TENT5B: variants seen among roughly 807,000 people sequenced by gnomAD.
The protein encoded by TENT5B is family with sequence similarity 46 member B.
In TENT5B, 12 loss-of-function variants were observed where a neutral mutation model predicts 21.7. The ratio of observed to expected loss-of-function variants is 0.55; its 90% CI spans 0.36 to 0.90. The LOEUF is 0.90. Ranked by LOEUF, TENT5B falls within the 40% of genes least tolerant of loss-of-function variation. The probability of loss-of-function intolerance (pLI) is 0.01; values close to 1 mark genes in which losing one functional copy is unlikely to be tolerated. For missense variants in TENT5B, 540 were observed against 601.5 expected, an observed-to-expected ratio of 0.90 and a Z score of 1.07; for synonymous variants, 262 against 266.6, an observed-to-expected ratio of 0.98 and a Z score of 0.17.
In TENT5B at chr1:27,006,236, G is replaced by A; in HGVS notation, c.986C>T (p.Ala329Val). 6.2e-7 allele frequency: 1 copy of A among 1,611,816 alleles called. No homozygotes were observed. Among genetic ancestry groups the A allele is most frequent in the Non-Finnish European group, 8.5e-7 (1 of 1,179,448 alleles). The change falls in exon 2 of 2, where the codon GCC becomes GTC. Residue 329 changes from alanine to valine, a missense_variant. Ala to Val is a moderately conservative substitution (Grantham distance 64). Coordinates refer to ENST00000289166, the MANE Select transcript of TENT5B (RefSeq NM_052943.4). The surrounding 1 kb of genome is among the most constrained non-coding windows in gnomAD (Gnocchi z 9.4). ...QRRTLERYLE[A>V]HFGGADAARR... is the part of the protein sequence containing the mutation. ...GGCTGCATCTGCCCCACCGAAGTGG[G>A]CCTCCAGGTAGCGCTCTAGGGTGCG...
intron 1 of TENT5B, among the ~76,000 whole-genome samples, chr1:27,008,977 C>CTTTTTTTTTTCTTTTTTTTTTTTTTT (rs2082612808): frequency 3.2e-5 from 1 of 30,978 alleles, no homozygotes; most frequent in African/African-American, 1.4e-4. Flanking sequence ...CTCCATCCTT[C>CTTTTTTTTTTCTTTTTTTTTTTTTTT]TTTTTTTTTT....
intron 1 of TENT5B, among the ~76,000 whole-genome samples, chr1:27,007,215 A>C (rs2082604403): frequency 6.6e-6 from 1 of 152,066 alleles, no homozygotes; most frequent in Non-Finnish European, 1.5e-5. Flanking sequence ...ATAATAGCAC[A>C]CATCTGCATA....
rs765170340 is a variant in TENT5B, at chr1:27,006,727, C to A, written c.495G>T (p.Thr165=). 16 of 1,613,888 alleles carry A rather than the reference C, an allele frequency of 9.9e-6. No homozygotes were observed. Among genetic ancestry groups the A allele is most frequent in the Non-Finnish European group, 1.4e-5 (16 of 1,180,012 alleles). ...CGTATGCCTCCTTGAGTGTCAGTGG[C>A]GTGATCTTGGCCCGGCTCACACCGG... ...LPAGVSRAKI[T]PLTLKEAYVQ... Residue 165 remains threonine, a synonymous_variant, in exon 2 of 2, where the codon ACG becomes ACT. Coordinates refer to ENST00000289166, the MANE Select transcript of TENT5B (RefSeq NM_052943.4). This position sits in a 1 kb window ranked among gnomAD's most constrained non-coding sequence, Gnocchi z 9.4.
chr1:27,008,172 A>G (rs2124205417), intron 1 of TENT5B, among the ~76,000 whole-genome samples: 1 of 152,226 alleles, frequency 6.6e-6, no homozygotes, highest in East Asian at 1.9e-4. Context: ...CCAGGTAGGG[A>G]GAAGAGTGAA....
intron 1 of TENT5B, among the ~76,000 whole-genome samples, chr1:27,008,977 C>CT (rs58360969): frequency 0.017 from 526 of 31,012 alleles, 116 homozygotes; most frequent in African/African-American, 0.048. Flanking sequence ...CTCCATCCTT[C>CT]TTTTTTTTTT....
intron 1 of TENT5B, among the ~76,000 whole-genome samples, chr1:27,011,242 G>T (rs561561458): frequency 1.3e-5 from 2 of 152,156 alleles, no homozygotes; most frequent in Non-Finnish European, 2.9e-5. Flanking sequence ...TTGGGAGGGT[G>T]GGGGAGGTAA....
Position 27,005,622 on chromosome 1 carries a change from A to G in TENT5B, c.*322T>C, listed in dbSNP as rs1248198175. On this transcript the variant is annotated 3_prime_UTR_variant, in exon 2 of 2. Coordinates refer to ENST00000289166, the MANE Select transcript of TENT5B (RefSeq NM_052943.4). ...TGGGAATCAATCCAAGGTGCTGGGCATTAAGGCTACCACCCCAAACTTGCT... is the reference window on the plus strand; with the variant it reads ...TGGGAATCAATCCAAGGTGCTGGGCGTTAAGGCTACCACCCCAAACTTGCT... 1 of 344,064 alleles carries G rather than the reference A, an allele frequency of 2.9e-6. No homozygotes were observed. The highest frequency in any genetic ancestry group is 5.3e-6 in the Non-Finnish European group (1 of 189,012). The allele number at this position is 344,064 out of a possible 1,614,324, so 21.3% of individuals were successfully genotyped here.
chr1:27,007,536 G>T (rs748155854), intron 1 of TENT5B, among the ~76,000 whole-genome samples: 1 of 151,678 alleles, frequency 6.6e-6, no homozygotes, highest in Non-Finnish European at 1.5e-5. Context: ...GGATTACAGG[G>T]GCCTGCCACT....
In TENT5B at chr1:27,012,695, G is replaced by A; in HGVS notation, c.-25C>T. 1 of 1,450,406 alleles carries A rather than the reference G, an allele frequency of 6.9e-7. No individual in the cohort carries two copies. The highest frequency in any genetic ancestry group is 9.0e-7 in the Non-Finnish European group (1 of 1,116,284). The allele number at this position is 1,450,406 out of a possible 1,614,324, so 89.8% of individuals were successfully genotyped here. A position where few individuals can be genotyped will look rare whatever the true frequency, so the allele number is the denominator to read the frequency against. ...TCCGCCCGGCCCCCGGGCCCCGACG[G>A]CAGAAACCGTGGGGGTGGTTAAGGG... is the stretch of plus-strand genomic sequence containing the variant. On this transcript the variant is annotated 5_prime_UTR_variant, in exon 1 of 2. Coordinates refer to ENST00000289166, the MANE Select transcript of TENT5B (RefSeq NM_052943.4).
Position 27,006,793 on chromosome 1 carries a change from G to A in TENT5B, c.429C>T (p.Thr143=), listed in dbSNP as rs1351218297. The A allele has an allele frequency of 6.2e-7, 1 of 1,614,028 alleles. No homozygotes were observed. The highest frequency in any genetic ancestry group is 1.7e-5 in the Admixed American group (1 of 60,014). The change falls in exon 2 of 2, where the codon ACC becomes ACT. Residue 143 remains threonine, a synonymous_variant. Transcript: ENST00000289166. This position sits in a 1 kb window ranked among gnomAD's most constrained non-coding sequence, Gnocchi z 9.4. ...GTAGGCAGGCCAGCACCACTGCCTT[G>A]GTCAGCTGGAAGGATGCCTCACTGC... is the stretch of plus-strand genomic sequence containing the variant. ...DLRSEASFQL[T]KAVVLACLLD... is the part of the protein sequence containing the mutation.
intron 1 of TENT5B, among the ~76,000 whole-genome samples, chr1:27,008,819 C>G (rs1335699524): frequency 1.3e-5 from 2 of 151,790 alleles, no homozygotes; most frequent in Non-Finnish European, 2.9e-5. Flanking sequence ...CCAAGCTGGT[C>G]TTGAACTCCT....
chr1:27,006,713 T>C lies in TENT5B; in HGVS notation c.509A>G (p.Lys170Arg). ...CACCAGCTTCTGCACGTATGCCTCC[T>C]TGAGTGTCAGTGGCGTGATCTTGGC... ...SRAKITPLTLKEAYVQKLVKV... is the reference protein window; with the variant it reads ...SRAKITPLTLREAYVQKLVKV... Residue 170 changes from lysine to arginine, a missense_variant, in exon 2 of 2, where the codon AAG becomes AGG. Lys to Arg is a conservative substitution (Grantham distance 26, BLOSUM62 2). Coordinates refer to ENST00000289166, the MANE Select transcript of TENT5B (RefSeq NM_052943.4). This position sits in a 1 kb window ranked among gnomAD's most constrained non-coding sequence, Gnocchi z 9.4. 6.2e-7 allele frequency: 1 copy of C among 1,614,162 alleles called. No individual in the cohort carries two copies. The highest frequency in any genetic ancestry group is 8.5e-7 in the Non-Finnish European group (1 of 1,180,034).
rs780450338 is a variant in TENT5B, at chr1:27,006,016, A to G, written c.1206T>C (p.Thr402=). Residue 402 remains threonine (T), a synonymous_variant, in exon 2 of 2, where the codon ACT becomes ACC. Coordinates refer to ENST00000289166, the MANE Select transcript of TENT5B (RefSeq NM_052943.4). The surrounding 1 kb of genome is among the most constrained non-coding windows in gnomAD (Gnocchi z 9.4). ...GCACGGGGGTCACGTAGTAATTGAC[A>G]GTGGCTGGCACAACCCCGTCAGTGC... ...PPGTDGVVPA[T]VNYYVTPVQP... The G allele has an allele frequency of 6.2e-7, 1 of 1,608,890 alleles. No homozygotes were observed. The highest frequency in any genetic ancestry group is 8.5e-7 in the Non-Finnish European group (1 of 1,176,956).
chr1:27,008,006 G>A (rs1363177531), intron 1 of TENT5B, among the ~76,000 whole-genome samples: 1 of 152,022 alleles, frequency 6.6e-6, no homozygotes, highest in African/African-American at 2.4e-5. Context: ...ACCCAGTGAG[G>A]CAAAAATTAT....
At chr1:27,010,677 A>C (rs2082619732) in intron 1 of TENT5B, among the ~76,000 whole-genome samples, 1 of 152,152 alleles carries the variant, frequency 6.6e-6, no homozygotes, top group African/African-American at 2.4e-5. Flanking sequence ...CAGAAGTCCA[A>C]CTTCCCAGCC....
chr1:27,012,513 C>T lies in TENT5B; in HGVS notation c.158G>A (p.Ser53Asn). The stretch of plus-strand genomic sequence containing the variant: ...GTCCAGTCGCTTCACCTGTGGCCAG[C>T]TCAGCCCACTCAGGTGCCGTCCGGG... Reference protein sequence around the residue: ...AFPGRHLSGLSWPQVKRLDAL... With the variant: ...AFPGRHLSGLNWPQVKRLDAL... Residue 53 changes from serine to asparagine, a missense_variant, in exon 1 of 2, where the codon AGC becomes AAC. Ser to Asn is a conservative substitution (Grantham distance 46, BLOSUM62 1). Transcript: ENST00000289166. 1 of 1,606,930 alleles carries T rather than the reference C, an allele frequency of 6.2e-7. No individual in the cohort carries two copies. The highest frequency in any genetic ancestry group is 8.5e-7 in the Non-Finnish European group (1 of 1,179,314).
rs765646695 is a variant in TENT5B at position 27,006,923 on chromosome 1, T to C, written c.299A>G (p.His100Arg). ...VRSTLEEQGL[H>R]VHSVRLHGSA... is the part of the protein sequence containing the mutation. ...ACCATGCAGCCGCACACTGTGCACA[T>C]GTAGTCCCTGCTCCTCCAGGGTGCT... The change falls in exon 2 of 2, where the codon CAT (histidine) becomes CGT (arginine). Residue 100 changes from histidine (H) to arginine (R), a missense_variant. Transcript: ENST00000289166. This position sits in a 1 kb window ranked among gnomAD's most constrained non-coding sequence, Gnocchi z 9.4. The C allele has an allele frequency of 2.1e-5, 34 of 1,603,578 alleles. No individual in the cohort carries two copies. Among genetic ancestry groups the C allele is most frequent in the Non-Finnish European group, 2.9e-5 (34 of 1,172,920 alleles).
In TENT5B at chr1:27,006,769, TAG is replaced by T. The variant is rs2082601907; in HGVS notation, c.451_452del (p.Leu151ThrfsTer62). 6.2e-7 allele frequency: 1 copy of T among 1,613,932 alleles called. No individual in the cohort carries two copies. The highest frequency in any genetic ancestry group is 8.5e-7 in the Non-Finnish European group (1 of 1,180,036). On this transcript the variant is annotated frameshift_variant, in exon 2 of 2. Transcript: ENST00000289166. LOFTEE classifies it high-confidence loss of function. The surrounding 1 kb of genome is among the most constrained non-coding windows in gnomAD (Gnocchi z 9.4). ...TCACACCGGCCGGCAGGAAGTCTAG[TAG>T]GCAGGCCAGCACCACTGCCTTGGTC... The part of the protein sequence containing the change: ...QLTKAVVLAC[L>X]LDFLPAGVSR...
chr1:27,011,180 G>C (rs745470467), intron 1 of TENT5B, among the ~76,000 whole-genome samples: 1 of 152,130 alleles, frequency 6.6e-6, no homozygotes, highest in African/African-American at 2.4e-5. Flanking sequence ...ACTGGGCCGC[G>C]TGTGAGTCAG....
Sources: gnomAD v4.1 joint callset for allele counts (sites outside exome capture counted in the v4.1 genomes callset) on GRCh38, gnomAD v4.1.1 for gene constraint, Gnocchi (gnomAD v3.1) non-coding constraint, MANE v1.5 for transcripts, NCBI Gene and HGNC (gene_info 2026-07-23, HGNC 2026-07-21) for gene names.